The following ASB15 variants were observed in gnomAD, a reference collection of about 807,000 sequenced individuals.
ASB15 encodes the protein ankyrin repeat and SOCS box containing 15.
In ASB15, 54 loss-of-function variants were observed where a neutral mutation model predicts 58.0. The ratio of observed to expected loss-of-function variants is 0.93; its 90% CI spans 0.75 to 1.17. ASB15 has a LOEUF of 1.17. Among genes scored for constraint, ASB15 ranks in the 50% most tolerant of loss-of-function variants. The pLI is 0.00. For missense variants in ASB15, 680 were observed against 707.4 expected (o/e 0.96, Z 0.44); for synonymous variants, 249 against 262.4 (o/e 0.95, Z 0.50).
At chr7:123,575,933 CT>C (rs1380685458) in intron 1 of ASB15, among the ~76,000 whole-genome samples, 1 of 149,890 alleles carries the variant, frequency 6.7e-6, no homozygotes, top group Non-Finnish European at 1.5e-5. Flanking sequence ...TTTAAACCTT[CT>C]TTTATTTCAG....
At chr7:123,588,410 CTTAG>C (rs1408143478) in intron 1 of ASB15, among the ~76,000 whole-genome samples, 3 of 150,610 alleles carry the variant, frequency 2.0e-5, no homozygotes, top group East Asian at 1.9e-4. Flanking sequence ...CTCTTTTTTT[CTTAG>C]TTAGGCCAGC....
In ASB15 at chr7:123,577,564, T is replaced by C. The variant is rs564556720; in HGVS notation, c.-443+10476T>C. 1.6e-4 allele frequency among the ~76,000 whole-genome samples: 25 copies of C among 152,278 alleles called. 2 individuals are homozygous for C. The South Asian group carries it at 4.8e-3, about 29-fold the overall frequency. On this transcript the variant is annotated intron_variant, in intron 1 of 13. Transcript: ENST00000451558. The stretch of plus-strand genomic sequence containing the variant: ...ATTTAACATTGTAAGTCAAATTAAA[T>C]TCTTTCTGCCAGAATTCTCTTCTTC...
intron 7 of ASB15, among the ~76,000 whole-genome samples, chr7:123,624,058 T>C (rs1175960179): frequency 1.3e-5 from 2 of 151,988 alleles, no homozygotes; most frequent in Non-Finnish European, 2.9e-5. Context: ...TGCTATCTTT[T>C]GCGGCAAGGG....
At chr7:123,605,766 T>C (rs1379420018) in intron 2 of ASB15, among the ~76,000 whole-genome samples, 1 of 152,158 alleles carries the variant, frequency 6.6e-6, no homozygotes, top group Non-Finnish European at 1.5e-5. Flanking sequence ...ATACCCCATG[T>C]TCTCACTTAC....
intron 1 of ASB15, among the ~76,000 whole-genome samples, chr7:123,569,101 A>G (rs368327451): frequency 2.6e-5 from 4 of 152,230 alleles, no homozygotes; most frequent in African/African-American, 7.2e-5. Flanking sequence ...TTTAGTCTGT[A>G]TCAGAAACTA....
intron 1 of ASB15, among the ~76,000 whole-genome samples, chr7:123,580,533 A>G (rs899747797): frequency 5.3e-5 from 8 of 152,034 alleles, no homozygotes; most frequent in African/African-American, 1.7e-4. Flanking sequence ...CAATAATATG[A>G]CACCTACTTT....
chr7:123,604,475 G>A (rs1369686876), intron 2 of ASB15, among the ~76,000 whole-genome samples: 3 of 151,778 alleles, frequency 2.0e-5, no homozygotes, highest in African/African-American at 4.8e-5. Flanking sequence ...CCAGCTACTC[G>A]GGAGGCTGGG....
At chr7:123,636,227 C>T (rs1483031788) in intron 11 of ASB15, among the ~76,000 whole-genome samples, 1 of 152,016 alleles carries the variant, frequency 6.6e-6, no homozygotes, top group African/African-American at 2.4e-5. Context: ...CATATTGCTG[C>T]TATAAAATCT....
intron 8 of ASB15, among the ~76,000 whole-genome samples, chr7:123,625,177 C>T (rs548261415): frequency 1.3e-5 from 2 of 152,140 alleles, no homozygotes; most frequent in Non-Finnish European, 2.9e-5. Context: ...ATTGAAAGAT[C>T]GTATTTATCT....
intron 7 of ASB15, among the ~76,000 whole-genome samples, chr7:123,621,111 T>C (rs1801292852): frequency 6.6e-6 from 1 of 152,212 alleles, no homozygotes; most frequent in African/African-American, 2.4e-5. Context: ...AATTTTTCTT[T>C]AATGCTTAAG....
At chr7:123,583,057 C>T (rs964915495) in intron 1 of ASB15, among the ~76,000 whole-genome samples, 5 of 151,854 alleles carry the variant, frequency 3.3e-5, no homozygotes, top group Admixed American at 6.6e-5. Flanking sequence ...GAATTTGGAT[C>T]TTTAAAATTA....
intron 3 of ASB15, among the ~76,000 whole-genome samples, chr7:123,611,916 T>A (rs1184392738): frequency 2.0e-5 from 3 of 151,598 alleles, no homozygotes; most frequent in African/African-American, 7.3e-5. Context: ...CACCCTACTG[T>A]CATTAGAGAT....
chr7:123,622,823 A>T (rs925672035), intron 7 of ASB15: 18 of 152,212 alleles, frequency 1.2e-4, no homozygotes, highest in African/African-American at 4.3e-4. Flanking sequence ...TGGGCAATTC[A>T]GAGAGAGGCA....
intron 11 of ASB15, among the ~76,000 whole-genome samples, chr7:123,636,086 A>C (rs1331461246): frequency 1.3e-5 from 2 of 152,106 alleles, no homozygotes; most frequent in African/African-American, 4.8e-5. Flanking sequence ...GAGAATACCA[A>C]ACTCACAGAC....
In ASB15 at chr7:123,570,882, A is replaced by G. The variant is rs1329251477; in HGVS notation, c.-443+3794A>G. Among the ~76,000 whole-genome samples, 13 of 152,188 alleles carry G rather than the reference A, an allele frequency of 8.5e-5. No homozygotes were observed. In the East Asian group the frequency reaches 2.5e-3, roughly 29 times the overall value. ...CTCTTCAAAATCACTAAAACTGAAA[A>G]GAACTCTCAGCAGGAATATAGCTCT... On this transcript the variant is annotated intron_variant, in intron 1 of 13. Transcript: ENST00000451558.
intron 3 of ASB15, among the ~76,000 whole-genome samples, chr7:123,610,571 A>C (rs1216330742): frequency 6.6e-6 from 1 of 152,196 alleles, no homozygotes; most frequent in Non-Finnish European, 1.5e-5. Flanking sequence ...TTTTACCAGG[A>C]GAACATGAAA....
intron 7 of ASB15, among the ~76,000 whole-genome samples, chr7:123,618,951 G>A (rs1023791294): frequency 2.6e-5 from 4 of 151,858 alleles, no homozygotes; most frequent in Non-Finnish European, 5.9e-5. Flanking sequence ...CAAGGTGGGC[G>A]AATCACGAGG....
At chr7:123,590,002 G>T (rs1214979128) in intron 1 of ASB15, among the ~76,000 whole-genome samples, 1 of 152,090 alleles carries the variant, frequency 6.6e-6, no homozygotes, top group Non-Finnish European at 1.5e-5. Context: ...AATTTTTAAT[G>T]ATTGTCATTC....
chr7:123,618,867 G>GC (rs200080938), intron 7 of ASB15, among the ~76,000 whole-genome samples: 59,444 of 151,744 alleles, frequency 0.39, 12,392 homozygotes, highest in South Asian at 0.47. Context: ...CAATATCAAT[G>GC]TAAAAAACGT....
Sources: allele counts gnomAD v4.1 joint callset (sites outside exome capture counted in the v4.1 genomes callset), GRCh38; gene constraint gnomAD v4.1.1; transcripts MANE v1.5; gene names NCBI Gene and HGNC (gene_info 2026-07-23, HGNC 2026-07-21).